Variants in KLB observed in about 807,000 individuals in gnomAD.
KLB encodes the protein beta-klotho.
Under a neutral mutation model 88.4 loss-of-function variants are expected in KLB, and 44 were observed. That is an observed-to-expected ratio of 0.50 (90% confidence interval 0.39 to 0.64). KLB has a LOEUF of 0.64. Among genes scored for constraint, KLB ranks in the 30% least tolerant of loss-of-function variants. KLB has a pLI of 0.00. For missense variants in KLB, 1,137 were observed against 1,304.8 expected, an observed-to-expected ratio of 0.87 and a Z score of 1.98; for synonymous variants, 548 against 513.4, an observed-to-expected ratio of 1.07 and a Z score of -0.91.
chr4:39,435,342 T>C (rs1743451021), intron 2 of KLB, among the ~76,000 whole-genome samples: 1 of 151,606 alleles, frequency 6.6e-6, no homozygotes, highest in African/African-American at 2.4e-5. Flanking sequence ...GGTCTCGAGC[T>C]CCTGACCTCA....
intron 1 of KLB, among the ~76,000 whole-genome samples, chr4:39,433,653 A>G (rs539921853): frequency 5.9e-5 from 9 of 152,240 alleles, no homozygotes; most frequent in African/African-American, 2.2e-4. Flanking sequence ...TGAGGTCAGG[A>G]GTTCCAGACC....
At position 39,434,309 on chromosome 4, in the gene KLB, C is replaced by T. The variant is rs150045601; in HGVS notation, c.925C>T (p.Arg309Trp). Residue 309 changes from arginine to tryptophan, a missense_variant, in exon 2 of 5, where the codon CGG (arginine) becomes TGG (tryptophan). Transcript: ENST00000257408. ...TLGSHWIEPN[R>W]SENTMDIFKC... is the part of the protein sequence containing the mutation. ...GGGATCTCATTGGATCGAGCCAAAC[C>T]GGTCGGAAAACACGATGGATATATT... is the stretch of plus-strand genomic sequence containing the variant. 210 of 1,613,988 alleles carry T rather than the reference C, an allele frequency of 1.3e-4. No individual in the cohort carries two copies. The highest frequency in any genetic ancestry group is 1.7e-4 in the Non-Finnish European group (196 of 1,180,030).
chr4:39,430,593 ATTTTTTTT>A (rs373054180), intron 1 of KLB, among the ~76,000 whole-genome samples: 7 of 87,676 alleles, frequency 8.0e-5, no homozygotes, highest in African/African-American at 2.4e-4. Context: ...CTGAGAGGAA[ATTTTTTTT>A]TTTTTTTTTT....
At chr4:39,412,930 C>T (rs759067638) in intron 1 of KLB, among the ~76,000 whole-genome samples, 2 of 152,100 alleles carry the variant, frequency 1.3e-5, no homozygotes, top group African/African-American at 2.4e-5. Flanking sequence ...TGCAAACTGT[C>T]GAAATATTAC....
intron 1 of KLB, among the ~76,000 whole-genome samples, chr4:39,421,931 AG>A (rs1024863820): frequency 2.0e-5 from 3 of 152,102 alleles, no homozygotes; most frequent in Non-Finnish European, 4.4e-5. Context: ...TTTTTAGTAG[AG>A]GCAGGGTTTC....
rs369997480 is a variant in KLB, at chr4:39,439,720, T to C, written c.1605+1725T>C. ...TTGTTGCTCATCGCCCAGGCTGGAGTGCAATGGTGCAATCTTGGCTCACTG... is the reference window on the plus strand; with the variant it reads ...TTGTTGCTCATCGCCCAGGCTGGAGCGCAATGGTGCAATCTTGGCTCACTG... On this transcript the variant is annotated intron_variant, in intron 3 of 4. Coordinates refer to ENST00000257408, the MANE Select transcript of KLB (RefSeq NM_175737.4). Among the ~76,000 whole-genome samples, 207 of 150,952 alleles carry C rather than the reference T, an allele frequency of 1.4e-3. 1 individual carries two copies. Among genetic ancestry groups the C allele is most frequent in the African/African-American group, 4.9e-3 (200 of 40,922 alleles).
chr4:39,445,515 T>A (rs1359285734), intron 3 of KLB, among the ~76,000 whole-genome samples: 1 of 150,790 alleles, frequency 6.6e-6, no homozygotes, highest in Non-Finnish European at 1.5e-5. Flanking sequence ...TTTTTTTTTT[T>A]TTTTTGAGAT....
chr4:39,409,817 G>A (rs1317784916), intron 1 of KLB, among the ~76,000 whole-genome samples: 4 of 151,884 alleles, frequency 2.6e-5, no homozygotes, highest in Non-Finnish European at 4.4e-5. Flanking sequence ...CCAGTTACTC[G>A]GGAGGCTGAG....
At chr4:39,433,792 G>A (rs1046199147) in intron 1 of KLB, among the ~76,000 whole-genome samples, 3 of 152,064 alleles carry the variant, frequency 2.0e-5, no homozygotes, top group African/African-American at 4.8e-5. Context: ...CCTGGGAGGC[G>A]GAGGTTGCAG....
rs775972460 is a variant in KLB at position 39,446,143 on chromosome 4, TG to T, written c.1606-188del. Among the ~76,000 whole-genome samples, 3 of 152,198 alleles carry T rather than the reference TG, an allele frequency of 2.0e-5. No homozygotes were observed. Among genetic ancestry groups the T allele is most frequent in the Non-Finnish European group, 4.4e-5 (3 of 68,036 alleles). ...CTTCCCAATGTTTTCTCAAACAACT[TG>T]TTTTCCAAGCCAGGACCTGGGTGTG... is the stretch of plus-strand genomic sequence containing the variant. On this transcript the variant is annotated intron_variant, in intron 3 of 4. Transcript: ENST00000257408. This position sits in a 1 kb window ranked among gnomAD's most constrained non-coding sequence, Gnocchi z 6.4.
rs1245294556 is a variant in KLB at position 39,447,537 on chromosome 4, A to T, written c.2749+62A>T. 2.9e-6 allele frequency: 4 copies of T among 1,373,844 alleles called. No homozygotes were observed. In the African/African-American group the frequency reaches 4.3e-5, roughly 15 times the overall value. The allele number at this position is 1,373,844 out of a possible 1,614,324, so 85.1% of individuals were successfully genotyped here. A position where few individuals can be genotyped will look rare whatever the true frequency, so the allele number is the denominator to read the frequency against. On this transcript the variant is annotated intron_variant, in intron 4 of 4. Coordinates refer to ENST00000257408, the MANE Select transcript of KLB (RefSeq NM_175737.4). ...AGATTCCTGTTACCTGACAAGAACA[A>T]AGAATGGGAGCAGCAGGCTGGTGCC... is the stretch of plus-strand genomic sequence containing the variant.
At chr4:39,437,001 C>T (rs534241404) in intron 2 of KLB, among the ~76,000 whole-genome samples, 16 of 152,322 alleles carry the variant, frequency 1.1e-4, no homozygotes, top group Middle Eastern at 3.4e-3. Context: ...TGAGCCACTG[C>T]GCCCCGCCTG....
chr4:39,438,953 C>T (rs1743537004), intron 3 of KLB, among the ~76,000 whole-genome samples: 1 of 151,918 alleles, frequency 6.6e-6, no homozygotes, highest in South Asian at 2.1e-4. Context: ...CAAGCTTCCA[C>T]ATGCACAGTG....
chr4:39,414,871 G>GA (rs1009834880), intron 1 of KLB, among the ~76,000 whole-genome samples: 2,375 of 50,058 alleles, frequency 0.047, 86 homozygotes, highest in African/African-American at 0.14. Context: ...TCTGTCTCAG[G>GA]AAAAAAAAAA....
At chr4:39,440,181 T>C (rs1469850671) in intron 3 of KLB, among the ~76,000 whole-genome samples, 1 of 151,678 alleles carries the variant, frequency 6.6e-6, no homozygotes, top group Non-Finnish European at 1.5e-5. Context: ...AGTCTTACTG[T>C]GTTGCCCAGG....
chr4:39,424,120 A>C (rs982338564), intron 1 of KLB, among the ~76,000 whole-genome samples: 1 of 151,846 alleles, frequency 6.6e-6, no homozygotes, highest in Non-Finnish European at 1.5e-5. Context: ...CCCAAGCTGG[A>C]GTGCAGTGGC....
In KLB at chr4:39,446,283, C is replaced by T; in HGVS notation, c.1606-49C>T. On this transcript the variant is annotated intron_variant, in intron 3 of 4. Transcript: ENST00000257408. This position sits in a 1 kb window ranked among gnomAD's most constrained non-coding sequence, Gnocchi z 6.4. Reference sequence around the variant, plus strand: ...GGCAGAGGTAGGCAGATCACTTGAGCCTCCATCTGCCAGCGCATGCTTGAC... The same window carrying T: ...GGCAGAGGTAGGCAGATCACTTGAGTCTCCATCTGCCAGCGCATGCTTGAC... The T allele has an allele frequency of 6.5e-7, 1 of 1,534,228 alleles. No homozygotes were observed. Among genetic ancestry groups the T allele is most frequent in the South Asian group, 1.2e-5 (1 of 82,260 alleles).
Position 39,434,638 on chromosome 4 carries a change from C to T in KLB, c.1254C>T (p.Gly418=). The T allele has an allele frequency of 6.2e-7, 1 of 1,613,856 alleles. No homozygotes were observed. The highest frequency in any genetic ancestry group is 2.2e-5 in the East Asian group (1 of 44,892). ...CTCGAATCTTGATTGCTGAGAATGG[C>T]TGGTTCACAGACAGTCGTGTGAAAA... The part of the protein sequence containing the change: ...NNPRILIAEN[G]WFTDSRVKTE... The change falls in exon 2 of 5, where the codon GGC becomes GGT. Residue 418 remains glycine, a synonymous_variant. Transcript: ENST00000257408.
intron 1 of KLB, among the ~76,000 whole-genome samples, chr4:39,417,055 A>G (rs1265409239): frequency 6.6e-6 from 1 of 151,904 alleles, no homozygotes; most frequent in Non-Finnish European, 1.5e-5. Context: ...ATATAGAAGC[A>G]AAATCTCCAA....
Sources: gnomAD v4.1 joint callset for allele counts (sites outside exome capture counted in the v4.1 genomes callset) on GRCh38, gnomAD v4.1.1 for gene constraint, Gnocchi (gnomAD v3.1) non-coding constraint, MANE v1.5 for transcripts, NCBI Gene and HGNC (gene_info 2026-07-23, HGNC 2026-07-21) for gene names.